The following ZNF248 variants were observed in gnomAD, a reference collection of about 807,000 sequenced individuals.
ZNF248 encodes zinc finger protein 248.
A neutral mutation model predicts 44.3 loss-of-function variants in ZNF248; 20 were observed. The ratio of observed to expected loss-of-function variants is 0.45; its 90% confidence interval spans 0.32 to 0.66. The LOEUF is 0.66. Among genes scored for constraint, ZNF248 ranks in the 30% least tolerant of loss-of-function variants. The pLI, the probability that ZNF248 is intolerant of heterozygous loss-of-function variation, is 0.04. For missense variants in ZNF248, 654 were observed against 677.0 expected (o/e 0.97, Z 0.38); for synonymous variants, 224 against 229.0 (o/e 0.98, Z 0.20).
At chr10:37,838,628 G>A (rs984373422) in intron 3 of ZNF248, among the ~76,000 whole-genome samples, 9 of 151,874 alleles carry the variant, frequency 5.9e-5, no homozygotes, top group Non-Finnish European at 1.2e-4. Context: ...AATCCTCTCC[G>A]CTCAATGAGA....
At position 37,830,243 on chromosome 10, in the gene ZNF248, C is replaced by T; in HGVS notation, c.*1372G>A. 1.0e-6 allele frequency: 1 copy of T among 985,360 alleles called. No homozygotes were observed. The highest frequency in any genetic ancestry group is 1.2e-6 in the Non-Finnish European group (1 of 829,912). The allele number at this position is 985,360 out of a possible 1,614,324, so 61.0% of individuals were successfully genotyped here. On this transcript the variant is annotated 3_prime_UTR_variant, in exon 6 of 6. Transcript: ENST00000395867. ...AAACCATTCTTATTAACAACATTTA[C>T]ATTACAGAATGACCCAGAGGTAGCT...
chr10:37,818,806 G>A lies in ZNF248; in HGVS notation c.330+14219C>T, dbSNP rs2052986687. 3.6e-6 allele frequency: 3 copies of A among 843,526 alleles called. No individual in the cohort carries two copies. The African/African-American group carries it at 5.0e-5, about 14-fold the overall frequency. 52.3% of individuals were successfully genotyped at this position (843,526 alleles called of 1,614,324 possible). A position where few individuals can be genotyped will look rare whatever the true frequency, so the allele number is the denominator to read the frequency against. ...TGCTTCAGGTGTTACTACTCATTTT[G>A]GTGGGAACTGCACTTCAGCAGCTTT... On this transcript the variant is annotated intron_variant, in intron 6 of 6. Coordinates refer to the ZNF248 transcript ENST00000615949.
At chr10:37,840,420 T>C (rs2058125883) in intron 3 of ZNF248, among the ~76,000 whole-genome samples, 2 of 152,148 alleles carry the variant, frequency 1.3e-5, no homozygotes, top group Non-Finnish European at 2.9e-5. Flanking sequence ...AATACACATA[T>C]GAACAGATGC....
intron 6 of ZNF248, among the ~76,000 whole-genome samples, chr10:37,792,522 C>T (rs72791713): frequency 0.14 from 21,305 of 152,076 alleles, 1,853 homozygotes; most frequent in Non-Finnish European, 0.18. Flanking sequence ...TTCCAAAAAA[C>T]AAGAGTATGG....
chr10:37,769,585 A>C, the ZNF248 span, among the ~76,000 whole-genome samples: 2 of 152,226 alleles, frequency 1.3e-5, no homozygotes, highest in African/African-American at 4.8e-5. Flanking sequence ...CTTCATGCTA[A>C]AAACTCTCAA....
At chr10:37,798,296 C>G (rs1208957405) in intron 6 of ZNF248, among the ~76,000 whole-genome samples, 1 of 151,970 alleles carries the variant, frequency 6.6e-6, no homozygotes, top group Admixed American at 6.6e-5. Flanking sequence ...TTAGTGGTTG[C>G]CTAGGGGAGT....
downstream of ZNF248, chr10:37,776,523 G>A (rs1742242): frequency 2.3e-5 from 9 of 398,160 alleles, no homozygotes; most frequent in African/African-American, 4.1e-5. Context: ...TTCCTAGGGC[G>A]CCTTCTTCTT....
rs756481837 is a variant in ZNF248, at chr10:37,838,124, A to C, written c.16-13T>G. 6.2e-7 allele frequency: 1 copy of C among 1,604,546 alleles called. No homozygotes were observed. Among genetic ancestry groups the C allele is most frequent in the Admixed American group, 1.7e-5 (1 of 59,136 alleles). ...ATGACACTTGTTCCTGTAATAGTAT[A>C]CTCTTTTTACATGAAATGGTCAGAA... is the stretch of plus-strand genomic sequence containing the variant. On this transcript the variant is annotated splice_polypyrimidine_tract_variant and intron_variant, in intron 3 of 5. Transcript: ENST00000395867.
In ZNF248 at chr10:37,829,506, C is replaced by G; in HGVS notation, c.*2109G>C. The G allele has an allele frequency of 7.1e-6, 7 of 984,382 alleles. No homozygotes were observed. Among genetic ancestry groups the G allele is most frequent in the Non-Finnish European group, 6.0e-6 (5 of 829,288 alleles). 61.0% of individuals were successfully genotyped at this position (984,382 alleles called of 1,614,324 possible). On this transcript the variant is annotated 3_prime_UTR_variant, in exon 6 of 6. Coordinates refer to ENST00000395867, the MANE Select transcript of ZNF248 (RefSeq NM_021045.3). ...CATTAACACTTAGAAAAATATTCCT[C>G]TGTGTCAGCTGGAATGCCTTCAGCT...
At chr10:37,846,927 T>C (rs2059420135) in intron 3 of ZNF248, among the ~76,000 whole-genome samples, 1 of 152,200 alleles carries the variant, frequency 6.6e-6, no homozygotes, top group African/African-American at 2.4e-5. Flanking sequence ...TCAACCATAT[T>C]TGAATTCTGA....
chr10:37,857,654 A>T (rs976352931), upstream of ZNF248: 5 of 152,260 alleles, frequency 3.3e-5, no homozygotes, highest in African/African-American at 1.2e-4. Context: ...GCACACGCAC[A>T]CATCAAACGC....
chr10:37,821,387 T>A (rs2053438934), intron 6 of ZNF248, among the ~76,000 whole-genome samples: 2 of 152,116 alleles, frequency 1.3e-5, no homozygotes, highest in Non-Finnish European at 2.9e-5. Context: ...TTAAGTGTGG[T>A]GGATGTATAT....
the ZNF248 span, among the ~76,000 whole-genome samples, chr10:37,770,354 C>G: frequency 2.6e-3 from 396 of 152,274 alleles, 1 homozygote; most frequent in African/African-American, 8.9e-3. Context: ...AGAGGCATTA[C>G]GCTACCTGAC....
At chr10:37,849,804 G>A (rs2059926968) in intron 3 of ZNF248, among the ~76,000 whole-genome samples, 1 of 152,106 alleles carries the variant, frequency 6.6e-6, no homozygotes, top group Non-Finnish European at 1.5e-5. Context: ...CGGATGCAGT[G>A]GTTCACGCCT....
chr10:37,785,571 T>A (rs1046996665), intron 6 of ZNF248, among the ~76,000 whole-genome samples: 5 of 152,216 alleles, frequency 3.3e-5, no homozygotes, highest in African/African-American at 1.2e-4. Flanking sequence ...CAGAGTTCAA[T>A]AGAGATCTTT....
At chr10:37,764,782 A>C in the ZNF248 span, among the ~76,000 whole-genome samples, 1 of 152,354 alleles carries the variant, frequency 6.6e-6, no homozygotes, top group South Asian at 2.1e-4. Flanking sequence ...AGAAAAAGTT[A>C]ATATAGGATG....
At chr10:37,782,845 C>T (rs1026577040) in intron 6 of ZNF248, among the ~76,000 whole-genome samples, 4 of 152,142 alleles carry the variant, frequency 2.6e-5, no homozygotes, top group Non-Finnish European at 5.9e-5. Flanking sequence ...CTGCCACATT[C>T]TGGAGGCTTA....
Position 37,820,514 on chromosome 10 carries a change from G to A in ZNF248, c.330+12511C>T, listed in dbSNP as rs1170725924. ...GGGATTGGATAAGGAATGTTGCGGT[G>A]AGGATCGTGCAACTGGTGCAACACT... On this transcript the variant is annotated intron_variant, in intron 6 of 6. Transcript: ENST00000615949. The A allele has an allele frequency of 6.9e-6, 11 of 1,601,644 alleles. No individual in the cohort carries two copies. The East Asian group carries it at 2.2e-4, about 33-fold the overall frequency.
chr10:37,780,785 C>G (rs945793255), intron 6 of ZNF248, among the ~76,000 whole-genome samples: 2 of 152,278 alleles, frequency 1.3e-5, no homozygotes, highest in South Asian at 2.1e-4. Flanking sequence ...CCACTGCCCC[C>G]GAGCCGCGCG....
Sources: allele counts gnomAD v4.1 joint callset (sites outside exome capture counted in the v4.1 genomes callset), GRCh38; gene constraint gnomAD v4.1.1; transcripts MANE v1.5; gene names NCBI Gene and HGNC (gene_info 2026-07-23, HGNC 2026-07-21).